Variants in SSR1 observed in about 807,000 individuals in gnomAD.
SSR1 encodes the protein signal sequence receptor subunit 1.
In SSR1, 13 loss-of-function variants were observed where a neutral mutation model predicts 36.1. The ratio of observed to expected loss-of-function variants is 0.36; its 90% CI spans 0.23 to 0.57. The LOEUF is 0.57. Ranked by LOEUF, SSR1 falls within the 20% of genes least tolerant of loss-of-function variation. The pLI, the probability that SSR1 is intolerant of heterozygous loss-of-function variation, is 0.81. For synonymous variants in SSR1, 113 were observed against 118.9 expected, an observed-to-expected ratio of 0.95 and a Z score of 0.32; for missense variants, 291 against 338.5, an observed-to-expected ratio of 0.86 and a Z score of 1.10.
chr6:7,299,510 C>T (rs1757881966), intron 4 of SSR1, among the ~76,000 whole-genome samples: 1 of 152,068 alleles, frequency 6.6e-6, no homozygotes, highest in Non-Finnish European at 1.5e-5. Context: ...ACCAGCCTGG[C>T]CAACATGGAG....
At position 7,298,781 on chromosome 6, in the gene SSR1, C is replaced by G. The variant is rs1208670512; in HGVS notation, c.586G>C (p.Val196Leu). 6.2e-7 allele frequency: 1 copy of G among 1,613,366 alleles called. No homozygotes were observed. Among genetic ancestry groups the G allele is most frequent in the African/African-American group, 1.3e-5 (1 of 74,922 alleles). The stretch of plus-strand genomic sequence containing the variant: ...TCTAACCCATCCTCTCTTTCAATAA[C>G]TGTAACTGTTTGATTGAAGACTGCA... The part of the protein sequence containing the change: ...QDAVFNQTVT[V>L]IEREDGLDGE... The change falls in exon 5 of 8, where the codon GTT becomes CTT. Residue 196 changes from valine (V) to leucine (L), a missense_variant. Coordinates refer to ENST00000244763, the MANE Select transcript of SSR1 (RefSeq NM_003144.5).
At chr6:7,303,167 C>T (rs1417321334) in intron 3 of SSR1, among the ~76,000 whole-genome samples, 1 of 69,974 alleles carries the variant, frequency 1.4e-5, no homozygotes, top group Non-Finnish European at 2.8e-5. Flanking sequence ...AAAAAAAAGA[C>T]AAAGTTACTT....
chr6:7,299,114 C>T (rs1387758458), intron 4 of SSR1, among the ~76,000 whole-genome samples: 4 of 91,770 alleles, frequency 4.4e-5, no homozygotes, highest in Non-Finnish European at 1.0e-4. Context: ...TGAGTCCAGC[C>T]TAGCAAACAT....
In SSR1 at chr6:7,303,625, C is replaced by T. The variant is rs748704629; in HGVS notation, c.205G>A (p.Glu69Lys). 1 of 1,611,866 alleles carries T rather than the reference C, an allele frequency of 6.2e-7. No individual in the cohort carries two copies. The highest frequency in any genetic ancestry group is 8.5e-7 in the Non-Finnish European group (1 of 1,178,408). ...DEPTDLVEDK[E>K]EEDVSGEPEA... is the part of the protein sequence containing the mutation. Reference sequence around the variant, plus strand: ...GGTTCACCAGACACATCTTCTTCCTCTTTATCTTCTACCTAAGAAAAAGAA... The same window carrying T: ...GGTTCACCAGACACATCTTCTTCCTTTTTATCTTCTACCTAAGAAAAAGAA... The change falls in exon 3 of 8, where the codon GAG (glutamate) becomes AAG (lysine). Residue 69 changes from glutamate (E) to lysine (K), a missense_variant. Transcript: ENST00000244763.
At chr6:7,302,921 G>A (rs1320385147) in intron 3 of SSR1, among the ~76,000 whole-genome samples, 4 of 151,932 alleles carry the variant, frequency 2.6e-5, no homozygotes, top group East Asian at 1.9e-4. Context: ...GACAGATCAC[G>A]AGGTCAGGAG....
At position 7,289,612 on chromosome 6, in the gene SSR1, C is replaced by A; in HGVS notation, c.*252G>T. ...TAGTTCAACAATGATTCTGGTAAGA[C>A]CAACTGCTCACATACATACACACGC... On this transcript the variant is annotated 3_prime_UTR_variant, in exon 8 of 8. Coordinates refer to ENST00000244763, the MANE Select transcript of SSR1 (RefSeq NM_003144.5). 1 of 469,816 alleles carries A rather than the reference C, an allele frequency of 2.1e-6. No homozygotes were observed. Among genetic ancestry groups the A allele is most frequent in the African/African-American group, 2.1e-5 (1 of 48,702 alleles). The allele number at this position is 469,816 out of a possible 1,614,324, so 29.1% of individuals were successfully genotyped here.
At chr6:7,290,015 CTT>C in intron 7 of SSR1, 84 bp from the exon 8 acceptor site, 1 of 1,149,432 alleles carries the variant, frequency 8.7e-7, no homozygotes. Context: ...TTACCTTCAA[CTT>C]TACCACTAAG....
At chr6:7,309,776 C>T (rs1758147410) in intron 2 of SSR1, 141 bp downstream of exon 2, 4 of 705,638 alleles carry the variant, frequency 5.7e-6, no homozygotes, top group Non-Finnish European at 9.9e-6. Context: ...GAGGCCTCCC[C>T]AGTCATGCTG....
At position 7,286,463 on chromosome 6, in the gene SSR1, A is replaced by G. The variant is rs1757556941; in HGVS notation, c.*3401T>C. On this transcript the variant is annotated 3_prime_UTR_variant, in exon 8 of 8. Coordinates refer to ENST00000244763, the MANE Select transcript of SSR1 (RefSeq NM_003144.5). ...AGCTTATAGACAGATTAACTTAACA[A>G]CGAAACCTAACATTCCACCAGTAAG... 6.6e-6 allele frequency: 1 copy of G among 152,244 alleles called. No individual in the cohort carries two copies. The highest frequency in any genetic ancestry group is 2.4e-5 in the African/African-American group (1 of 41,458). 9.4% of individuals were successfully genotyped at this position (152,244 alleles called of 1,614,324 possible). A position where few individuals can be genotyped will look rare whatever the true frequency, so the allele number is the denominator to read the frequency against.
At chr6:7,295,224 G>A in intron 7 of SSR1, 168 bp downstream of exon 7, 1 of 1,145,180 alleles carries the variant, frequency 8.7e-7, no homozygotes, top group Non-Finnish European at 1.2e-6. Flanking sequence ...ACTACACACT[G>A]AATAAACCTT....
chr6:7,299,085 T>G (rs1039359207), intron 4 of SSR1, among the ~76,000 whole-genome samples: 8 of 152,084 alleles, frequency 5.3e-5, no homozygotes, highest in African/African-American at 1.2e-4. Flanking sequence ...GCAGGAGGAC[T>G]GCTTGAACCC....
At chr6:7,306,098 C>T (rs1016605020) in intron 2 of SSR1, among the ~76,000 whole-genome samples, 8 of 152,202 alleles carry the variant, frequency 5.3e-5, no homozygotes, top group Middle Eastern at 3.2e-3. Flanking sequence ...CTTGTAAGTT[C>T]TGAGCCATTT....
chr6:7,299,480 C>G (rs886922477), intron 4 of SSR1, among the ~76,000 whole-genome samples: 1 of 152,146 alleles, frequency 6.6e-6, no homozygotes, highest in African/African-American at 2.4e-5. Flanking sequence ...AGGCAGATCA[C>G]CTGAGATCAG....
rs141386575 is a variant in SSR1 at position 7,308,647 on chromosome 6, A to C, written c.192+1270T>G. 2.9e-4 allele frequency among the ~76,000 whole-genome samples: 44 copies of C among 152,318 alleles called. No individual in the cohort carries two copies. The East Asian group carries it at 7.5e-3, about 26-fold the overall frequency. ...AACATTTCAGAGCTGAACAACTTTT[A>C]AGAGATCTTCTCTAACCCCCTTATT... On this transcript the variant is annotated intron_variant, in intron 2 of 7. Transcript: ENST00000244763.
intron 3 of SSR1, among the ~76,000 whole-genome samples, chr6:7,302,588 C>A (rs920310595): frequency 2.6e-5 from 4 of 151,982 alleles, no homozygotes; most frequent in Admixed American, 6.6e-5. Flanking sequence ...ATGGTGAAAC[C>A]CCATCCCTAC....
intron 2 of SSR1, among the ~76,000 whole-genome samples, chr6:7,308,424 T>C (rs902580166): frequency 6.6e-6 from 1 of 152,106 alleles, no homozygotes; most frequent in East Asian, 1.9e-4. Context: ...AATAGGGAAC[T>C]AGTGGTTTAA....
rs1241500781 is a variant in SSR1 at position 7,289,884 on chromosome 6, A to T, written c.841T>A (p.Ser281Thr). 1 of 1,558,630 alleles carries T rather than the reference A, an allele frequency of 6.4e-7. No individual in the cohort carries two copies. The highest frequency in any genetic ancestry group is 1.4e-5 in the African/African-American group (1 of 71,024). The change falls in exon 8 of 8, where the codon TCA (serine) becomes ACA (threonine). Residue 281 changes from serine to threonine, a missense_variant. By Grantham distance (58) the Ser-to-Thr change is moderately conservative (BLOSUM62 1). Coordinates refer to ENST00000244763, the MANE Select transcript of SSR1 (RefSeq NM_003144.5). ...RLPRKRAQKR[S>T]VGSDE ...AACATTTACTCATCAGATCCCACTG[A>T]TCTCTTCTGTGCCCGTTTCCTGGGC...
chr6:7,307,128 T>A (rs1206326779), intron 2 of SSR1, among the ~76,000 whole-genome samples: 1 of 152,134 alleles, frequency 6.6e-6, no homozygotes, highest in South Asian at 2.1e-4. Context: ...CCTTGGCAGC[T>A]GAGTATAGGG....
rs918058664 is a variant in SSR1 at position 7,285,828 on chromosome 6, G to A, written c.*4036C>T. 16 of 152,132 alleles carry A rather than the reference G, an allele frequency of 1.1e-4. No homozygotes were observed. Among genetic ancestry groups the A allele is most frequent in the Admixed American group, 6.6e-5 (1 of 15,264 alleles). 9.4% of individuals were successfully genotyped at this position (152,132 alleles called of 1,614,324 possible). A position where few individuals can be genotyped will look rare whatever the true frequency, so the allele number is the denominator to read the frequency against. ...TTTATCTTTCAATCCTTTAGAGCTTGAAAATGCAATCAACCCATGAAAATG... is the reference window on the plus strand; with the variant it reads ...TTTATCTTTCAATCCTTTAGAGCTTAAAAATGCAATCAACCCATGAAAATG... On this transcript the variant is annotated 3_prime_UTR_variant, in exon 8 of 8. Transcript: ENST00000244763. The surrounding 1 kb of genome is among the most constrained non-coding windows in gnomAD (Gnocchi z 4.1).
Sources: allele counts gnomAD v4.1 joint callset (sites outside exome capture counted in the v4.1 genomes callset), GRCh38; gene constraint gnomAD v4.1.1; non-coding constraint Gnocchi (gnomAD v3.1); transcripts MANE v1.5; gene names NCBI Gene and HGNC (gene_info 2026-07-23, HGNC 2026-07-21).